Variants in GID8 observed in about 807,000 individuals in gnomAD.
GID8 encodes GID complex subunit 8 homolog, also known as glucose-induced degradation protein 8 homolog.
Under a neutral mutation model 27.4 loss-of-function variants are expected in GID8, and 6 were observed. That is an observed-to-expected ratio of 0.22 (90% CI 0.12 to 0.43). The LOEUF is 0.43. Among genes scored for constraint, GID8 ranks in the 20% least tolerant of loss-of-function variants. The pLI is 1.00. For synonymous variants in GID8, 112 were observed against 109.0 expected (o/e 1.03, Z -0.17); for missense variants, 173 against 287.6 (o/e 0.60, Z 2.88).
chr20:62,941,710 C>T (rs76902055), intron 2 of GID8, 90 bp downstream of exon 2: 16,334 of 780,662 alleles, frequency 0.021, 255 homozygotes, highest in Middle Eastern at 0.07. Context: ...GGTTTGATGA[C>T]GTAGTTATTT....
intron 1 of GID8, among the ~76,000 whole-genome samples, chr20:62,939,423 C>G (rs1244351793): frequency 1.3e-5 from 2 of 151,584 alleles, no homozygotes; most frequent in East Asian, 1.9e-4. Context: ...CCAGCACCGC[C>G]CCCCCCGCCC....
At position 62,948,227 on chromosome 20, in the gene GID8, G is replaced by C. The variant is rs2065474552; in HGVS notation, c.*3315G>C. The stretch of plus-strand genomic sequence containing the variant: ...ACTACGCGTGTTGTTTTTTACAACA[G>C]GTATGTTTTTGTTTCAGAAATATGT... On this transcript the variant is annotated 3_prime_UTR_variant, in exon 5 of 5. Transcript: ENST00000266069. 1 of 152,188 alleles carries C rather than the reference G, an allele frequency of 6.6e-6. No homozygotes were observed. The highest frequency in any genetic ancestry group is 2.4e-5 in the African/African-American group (1 of 41,444). 9.4% of individuals were successfully genotyped at this position (152,188 alleles called of 1,614,324 possible).
rs570492732 is a variant in GID8 at position 62,945,532 on chromosome 20, A to G, written c.*620A>G. ...GTGTTTTTTAATTTTTTAAATATAT[A>G]TTTTGGTGCTGTGTGTGGTAAGAGA... On this transcript the variant is annotated 3_prime_UTR_variant, in exon 5 of 5. Transcript: ENST00000266069. 189 of 1,055,022 alleles carry G rather than the reference A, an allele frequency of 1.8e-4. No homozygotes were observed. The African/African-American group carries it at 2.9e-3, about 16-fold the overall frequency. The allele number at this position is 1,055,022 out of a possible 1,614,324, so 65.4% of individuals were successfully genotyped here. A position where few individuals can be genotyped will look rare whatever the true frequency, so the allele number is the denominator to read the frequency against.
At position 62,945,357 on chromosome 20, in the gene GID8, T is replaced by A. The variant is rs80205989; in HGVS notation, c.*445T>A. ...TTTCCTTACCCCTGTGGTTTTTGTGTTTTTTTTTTTTTCTTTTTCCATAGG... is the reference window on the plus strand; with the variant it reads ...TTTCCTTACCCCTGTGGTTTTTGTGATTTTTTTTTTTTCTTTTTCCATAGG... On this transcript the variant is annotated 3_prime_UTR_variant, in exon 5 of 5. Transcript: ENST00000266069. The A allele has an allele frequency of 2.8e-6, 1 of 357,916 alleles. No homozygotes were observed. Among genetic ancestry groups the A allele is most frequent in the African/African-American group, 4.8e-5 (1 of 20,830 alleles). The allele number at this position is 357,916 out of a possible 1,614,324, so 22.2% of individuals were successfully genotyped here. A position where few individuals can be genotyped will look rare whatever the true frequency, so the allele number is the denominator to read the frequency against.
Position 62,943,417 on chromosome 20 carries a change from G to T in GID8, c.316-78G>T. On this transcript the variant is annotated intron_variant, in intron 3 of 4. Coordinates refer to ENST00000266069, the MANE Select transcript of GID8 (RefSeq NM_017896.3). This position sits in a 1 kb window ranked among gnomAD's most constrained non-coding sequence, Gnocchi z 4.7. Reference sequence around the variant, plus strand: ...AGTCTTCCCTCTGTGATGTACTTTTGATTGGGACCTGGTACCACCTGCCCT... The same window carrying T: ...AGTCTTCCCTCTGTGATGTACTTTTTATTGGGACCTGGTACCACCTGCCCT... The T allele has an allele frequency of 2.2e-6, 3 of 1,340,332 alleles. No individual in the cohort carries two copies. Among genetic ancestry groups the T allele is most frequent in the Non-Finnish European group, 2.1e-6 (2 of 941,318 alleles). The allele number at this position is 1,340,332 out of a possible 1,614,324, so 83.0% of individuals were successfully genotyped here. A position where few individuals can be genotyped will look rare whatever the true frequency, so the allele number is the denominator to read the frequency against.
chr20:62,945,696 T>G lies in GID8; in HGVS notation c.*784T>G. On this transcript the variant is annotated 3_prime_UTR_variant, in exon 5 of 5. Coordinates refer to ENST00000266069, the MANE Select transcript of GID8 (RefSeq NM_017896.3). The stretch of plus-strand genomic sequence containing the variant: ...CAAATGACCTTTTGTCTTTGGGGCG[T>G]TCTTCCCCCTGTGATAGCGGCAGTG... 2 of 1,189,430 alleles carry G rather than the reference T, an allele frequency of 1.7e-6. No homozygotes were observed. Among genetic ancestry groups the G allele is most frequent in the Non-Finnish European group, 2.1e-6 (2 of 939,272 alleles). The allele number at this position is 1,189,430 out of a possible 1,614,324, so 73.7% of individuals were successfully genotyped here.
At position 62,947,172 on chromosome 20, in the gene GID8, T is replaced by G. The variant is rs1449901220; in HGVS notation, c.*2260T>G. On this transcript the variant is annotated 3_prime_UTR_variant, in exon 5 of 5. Transcript: ENST00000266069. ...CTCCAGCGTTACTGCTCTCCTTCCC[T>G]TCATGATAAGCCAGTGCCAGCATCC... The G allele has an allele frequency of 6.6e-6, 1 of 152,276 alleles. No individual in the cohort carries two copies. The highest frequency in any genetic ancestry group is 2.4e-5 in the African/African-American group (1 of 41,462). 9.4% of individuals were successfully genotyped at this position (152,276 alleles called of 1,614,324 possible).
At position 62,943,281 on chromosome 20, in the gene GID8, T is replaced by C; in HGVS notation, c.315+98T>C. 9.3e-7 allele frequency: 1 copy of C among 1,071,048 alleles called. No homozygotes were observed. The highest frequency in any genetic ancestry group is 1.4e-6 in the Non-Finnish European group (1 of 725,084). The allele number at this position is 1,071,048 out of a possible 1,614,324, so 66.3% of individuals were successfully genotyped here. On this transcript the variant is annotated intron_variant, in intron 3 of 4. Coordinates refer to ENST00000266069, the MANE Select transcript of GID8 (RefSeq NM_017896.3). The surrounding 1 kb of genome is among the most constrained non-coding windows in gnomAD (Gnocchi z 4.7). The stretch of plus-strand genomic sequence containing the variant: ...TAACTAGGCTAATTTGCTTTAATAA[T>C]GTTATTTCAATGCATGTGAGGGGGA...
chr20:62,946,930 A>G lies in GID8; in HGVS notation c.*2018A>G, dbSNP rs1317879710. On this transcript the variant is annotated 3_prime_UTR_variant, in exon 5 of 5. Coordinates refer to ENST00000266069, the MANE Select transcript of GID8 (RefSeq NM_017896.3). ...CGTTTACTTGCATAATATATCATCAATTTGACATATTCTTAAAACTAGAGG... is the reference window on the plus strand; with the variant it reads ...CGTTTACTTGCATAATATATCATCAGTTTGACATATTCTTAAAACTAGAGG... The G allele has an allele frequency of 2.0e-5, 3 of 152,248 alleles. No individual in the cohort carries two copies. The highest frequency in any genetic ancestry group is 2.9e-5 in the Non-Finnish European group (2 of 68,050). The allele number at this position is 152,248 out of a possible 1,614,324, so 9.4% of individuals were successfully genotyped here.
At position 62,943,379 on chromosome 20, in the gene GID8, G is replaced by A; in HGVS notation, c.316-116G>A. 1 of 1,073,304 alleles carries A rather than the reference G, an allele frequency of 9.3e-7. No homozygotes were observed. The highest frequency in any genetic ancestry group is 1.4e-6 in the Non-Finnish European group (1 of 726,658). 66.5% of individuals were successfully genotyped at this position (1,073,304 alleles called of 1,614,324 possible). On this transcript the variant is annotated intron_variant, in intron 3 of 4. Transcript: ENST00000266069. This position sits in a 1 kb window ranked among gnomAD's most constrained non-coding sequence, Gnocchi z 4.7. The stretch of plus-strand genomic sequence containing the variant: ...TTAAAAATGCAAATTTGATAACTCA[G>A]AGATGCAAGAAAAGTCTTCCCTCTG...
In GID8 at chr20:62,946,082, A is replaced by G; in HGVS notation, c.*1170A>G. 2.5e-6 allele frequency: 3 copies of G among 1,197,042 alleles called. No individual in the cohort carries two copies. The highest frequency in any genetic ancestry group is 3.3e-6 in the Non-Finnish European group (3 of 906,970). The allele number at this position is 1,197,042 out of a possible 1,614,324, so 74.2% of individuals were successfully genotyped here. On this transcript the variant is annotated 3_prime_UTR_variant, in exon 5 of 5. Coordinates refer to ENST00000266069, the MANE Select transcript of GID8 (RefSeq NM_017896.3). ...TCTGGGCACAGATGTGTTTGGATTC[A>G]TTGCAGCGGACCACCGGGCACTGTT...
At position 62,941,560 on chromosome 20, in the gene GID8, A is replaced by G. The variant is rs1238359160; in HGVS notation, c.58A>G (p.Asn20Asp). 6.2e-7 allele frequency: 1 copy of G among 1,613,498 alleles called. No homozygotes were observed. Among genetic ancestry groups the G allele is most frequent in the Admixed American group, 1.7e-5 (1 of 60,030 alleles). ...GAAAGATGAGTGGATGGAAAAGCTC[A>G]ATAACTTGCATGTCCAGAGAGCAGA... is the stretch of plus-strand genomic sequence containing the variant. ...ITKDEWMEKL[N>D]NLHVQRADMN... is the part of the protein sequence containing the mutation. The change falls in exon 2 of 5, where the codon AAT (asparagine) becomes GAT (aspartate). Residue 20 changes from asparagine (N) to aspartate (D), a missense_variant. Asn to Asp is a conservative substitution (Grantham distance 23). Transcript: ENST00000266069.
chr20:62,942,873 T>C (rs2065449540), intron 2 of GID8, 114 bp from the exon 3 acceptor site: 11 of 690,696 alleles, frequency 1.6e-5, no homozygotes, highest in East Asian at 1.2e-4. Flanking sequence ...CCTGAGAAAG[T>C]GTGGTTCACA....
Position 62,945,547 on chromosome 20 carries a change from G to A in GID8, c.*635G>A, listed in dbSNP as rs2065462681. The A allele has an allele frequency of 9.2e-7, 1 of 1,091,060 alleles. No individual in the cohort carries two copies. Among genetic ancestry groups the A allele is most frequent in the Non-Finnish European group, 1.1e-6 (1 of 890,376 alleles). 67.6% of individuals were successfully genotyped at this position (1,091,060 alleles called of 1,614,324 possible). A position where few individuals can be genotyped will look rare whatever the true frequency, so the allele number is the denominator to read the frequency against. ...TTAAATATATATTTTGGTGCTGTGT[G>A]TGGTAAGAGACTTGTTCCTAGTGGA... On this transcript the variant is annotated 3_prime_UTR_variant, in exon 5 of 5. Coordinates refer to ENST00000266069, the MANE Select transcript of GID8 (RefSeq NM_017896.3).
chr20:62,939,019 G>A (rs1392865956), intron 1 of GID8, among the ~76,000 whole-genome samples: 1 of 152,144 alleles, frequency 6.6e-6, no homozygotes, highest in Non-Finnish European at 1.5e-5. Flanking sequence ...TCTGGAGGCT[G>A]AGGTGGGAGG....
chr20:62,947,019 A>G lies in GID8; in HGVS notation c.*2107A>G, dbSNP rs1042133476. ...TAGGGGAACACAAATGGGGTCATTC[A>G]CGTGCCTGGACTGTCACTATGTGGC... is the stretch of plus-strand genomic sequence containing the variant. On this transcript the variant is annotated 3_prime_UTR_variant, in exon 5 of 5. Coordinates refer to ENST00000266069, the MANE Select transcript of GID8 (RefSeq NM_017896.3). 1 of 152,278 alleles carries G rather than the reference A, an allele frequency of 6.6e-6. No individual in the cohort carries two copies. Among genetic ancestry groups the G allele is most frequent in the Admixed American group, 6.5e-5 (1 of 15,290 alleles). 9.4% of individuals were successfully genotyped at this position (152,278 alleles called of 1,614,324 possible). A position where few individuals can be genotyped will look rare whatever the true frequency, so the allele number is the denominator to read the frequency against.
chr20:62,945,356 GTT>G lies in GID8; in HGVS notation c.*456_*457del, dbSNP rs11479536. 1,608 of 829,232 alleles carry G rather than the reference GTT, an allele frequency of 1.9e-3. 7 individuals carry two copies. The African/African-American group carries it at 0.02, about 10-fold the overall frequency. 51.4% of individuals were successfully genotyped at this position (829,232 alleles called of 1,614,324 possible). A position where few individuals can be genotyped will look rare whatever the true frequency, so the allele number is the denominator to read the frequency against. ...TTTTCCTTACCCCTGTGGTTTTTGT[GTT>G]TTTTTTTTTTTCTTTTTCCATAGGA... On this transcript the variant is annotated 3_prime_UTR_variant, in exon 5 of 5. Coordinates refer to ENST00000266069, the MANE Select transcript of GID8 (RefSeq NM_017896.3).
In GID8 at chr20:62,946,186, GC is replaced by G; in HGVS notation, c.*1276del. The G allele has an allele frequency of 2.5e-6, 1 of 394,442 alleles. No individual in the cohort carries two copies. The highest frequency in any genetic ancestry group is 4.5e-6 in the Non-Finnish European group (1 of 220,696). 24.4% of individuals were successfully genotyped at this position (394,442 alleles called of 1,614,324 possible). On this transcript the variant is annotated 3_prime_UTR_variant, in exon 5 of 5. Coordinates refer to ENST00000266069, the MANE Select transcript of GID8 (RefSeq NM_017896.3). Reference sequence around the variant, plus strand: ...GACCCATCCAAGGGCGTCCTTTGGAGCCAGTGGAGCCTGCCGGCGCATCTGA... The same window carrying G: ...GACCCATCCAAGGGCGTCCTTTGGAGCAGTGGAGCCTGCCGGCGCATCTGA...
At chr20:62,941,256 A>G (rs898863093) in intron 1 of GID8, among the ~76,000 whole-genome samples, 1 of 152,246 alleles carries the variant, frequency 6.6e-6, no homozygotes, top group Non-Finnish European at 1.5e-5. Context: ...TGTAAGGAGT[A>G]CCAGATTGTT....
Sources: gnomAD v4.1 joint callset for allele counts (sites outside exome capture counted in the v4.1 genomes callset) on GRCh38, gnomAD v4.1.1 for gene constraint, Gnocchi (gnomAD v3.1) non-coding constraint, MANE v1.5 for transcripts, NCBI Gene and HGNC (gene_info 2026-07-23, HGNC 2026-07-21) for gene names.